Variants in ADCY3 observed in about 807,000 individuals in gnomAD.
The protein encoded by ADCY3 is adenylate cyclase 3, also known as adenylate cyclase type 3.
In ADCY3, 70 loss-of-function variants were observed where a neutral mutation model predicts 119.4. The observed-to-expected ratio is 0.59, with a 90% CI of 0.48 to 0.72. ADCY3 has a LOEUF of 0.72. ADCY3 is among the 30% of genes least tolerant of loss of function. The pLI is 0.00. For synonymous variants in ADCY3, 672 were observed against 621.4 expected (o/e 1.08, Z -1.21); for missense variants, 1,238 against 1,541.6 (o/e 0.80, Z 3.30).
At chr2:24,852,429 G>A (rs1672425461) in intron 3 of ADCY3, among the ~76,000 whole-genome samples, 2 of 152,202 alleles carry the variant, frequency 1.3e-5, no homozygotes, top group South Asian at 4.1e-4. Context: ...GGAGGAGAGT[G>A]CTGCCTCCAT....
intron 18 of ADCY3, 53 bp from the exon 19 acceptor site, chr2:24,822,683 C>A (rs1667956160): frequency 1.3e-6 from 2 of 1,599,640 alleles, no homozygotes; most frequent in Non-Finnish European, 1.7e-6. Flanking sequence ...GAGGAATGAC[C>A]CAACCCAGTG....
intron 3 of ADCY3, among the ~76,000 whole-genome samples, chr2:24,861,751 C>G (rs1673683968): frequency 6.6e-6 from 1 of 152,186 alleles, no homozygotes; most frequent in Non-Finnish European, 1.5e-5. Context: ...GACCTCTGTC[C>G]TGGCTGGAAG....
intron 2 of ADCY3, chr2:24,877,884 G>A (rs1219033815): frequency 2.1e-6 from 1 of 471,066 alleles, no homozygotes; most frequent in Non-Finnish European, 4.4e-6. Flanking sequence ...CCTGGGAGCT[G>A]ACTGCACTGC....
At chr2:24,873,290 T>G (rs563313564) in intron 2 of ADCY3, among the ~76,000 whole-genome samples, 1 of 152,168 alleles carries the variant, frequency 6.6e-6, no homozygotes, top group East Asian at 1.9e-4. Flanking sequence ...ACATGTGTCA[T>G]AGGTTTCTAG....
intron 16 of ADCY3, among the ~76,000 whole-genome samples, chr2:24,824,929 C>A (rs564248534): frequency 2.8e-4 from 43 of 152,232 alleles, no homozygotes; most frequent in African/African-American, 9.1e-4. Context: ...GGAGGAACTC[C>A]CCTTGGAAAG....
rs1000915529 is a variant in ADCY3, at chr2:24,862,355, G to A, written c.825+10215C>T. 2.6e-5 allele frequency among the ~76,000 whole-genome samples: 4 copies of A among 152,146 alleles called. No individual in the cohort carries two copies. The East Asian group carries it at 7.7e-4, about 29-fold the overall frequency. ...AGGTCAGGAGATCGAGACCATCCTG[G>A]CTAACACGGTGAAACCCCGTCTCTA... On this transcript the variant is annotated intron_variant, in intron 3 of 21. Coordinates refer to ENST00000679454, the MANE Select transcript of ADCY3 (RefSeq NM_004036.5).
At chr2:24,907,807 C>A (rs564117917) in intron 2 of ADCY3, among the ~76,000 whole-genome samples, 1 of 151,690 alleles carries the variant, frequency 6.6e-6, no homozygotes, top group South Asian at 2.1e-4. Context: ...CCAGCCTGGC[C>A]AACATGGCGA....
Position 24,834,054 on chromosome 2 carries a change from TAGAG to T in ADCY3, c.1967+427_1967+430del, listed in dbSNP as rs969533905. Among the ~76,000 whole-genome samples the T allele has an allele frequency of 4.6e-5, 7 of 152,352 alleles. No homozygotes were observed. The highest frequency in any genetic ancestry group is 2.1e-4 in the South Asian group (1 of 4,830). ...TGCCCTGGAGGACCTACTGCTGCGTTAGAGAGGGCGTCAGTCTGTGCCCACAGCC... is the reference window on the plus strand; with the variant it reads ...TGCCCTGGAGGACCTACTGCTGCGTTAGGGCGTCAGTCTGTGCCCACAGCC... On this transcript the variant is annotated intron_variant, in intron 11 of 21. Coordinates refer to ENST00000679454, the MANE Select transcript of ADCY3 (RefSeq NM_004036.5). This position sits in a 1 kb window ranked among gnomAD's most constrained non-coding sequence, Gnocchi z 4.2.
At chr2:24,867,618 C>T (rs576126472) in intron 3 of ADCY3, among the ~76,000 whole-genome samples, 3 of 151,974 alleles carry the variant, frequency 2.0e-5, no homozygotes, top group African/African-American at 7.2e-5. Context: ...AGGTATCTTT[C>T]GAAAATGAAA....
At chr2:24,870,407 C>T (rs529548145) in intron 3 of ADCY3, among the ~76,000 whole-genome samples, 2 of 151,814 alleles carry the variant, frequency 1.3e-5, no homozygotes, top group East Asian at 1.9e-4. Flanking sequence ...GGGGCAGCAA[C>T]GAGCCCAAGG....
intron 2 of ADCY3, among the ~76,000 whole-genome samples, chr2:24,912,741 G>A (rs1291818039): frequency 1.3e-5 from 2 of 152,118 alleles, no homozygotes; most frequent in Admixed American, 6.5e-5. Flanking sequence ...TAATAAACAC[G>A]AGGAGTCCAG....
intron 9 of ADCY3, 59 bp downstream of exon 9, chr2:24,836,858 T>C: frequency 6.4e-7 from 1 of 1,551,376 alleles, no homozygotes; most frequent in Non-Finnish European, 8.7e-7. Context: ...ACGTATTGCT[T>C]CCTGGTGCCT....
At position 24,872,925 on chromosome 2, in the gene ADCY3, A is replaced by G. The variant is rs1675210835; in HGVS notation, c.676-206T>C. Among the ~76,000 whole-genome samples the G allele has an allele frequency of 6.6e-6, 1 of 152,178 alleles. No individual in the cohort carries two copies. Among genetic ancestry groups the G allele is most frequent in the Non-Finnish European group, 1.5e-5 (1 of 68,028 alleles). On this transcript the variant is annotated intron_variant, in intron 2 of 21. Transcript: ENST00000679454. The surrounding 1 kb of genome is among the most constrained non-coding windows in gnomAD (Gnocchi z 4.4). ...TGTACCACGGATGGGTGGTCCACCC[A>G]GGGGCATGGCTCAAGGCCTGAAAGG...
chr2:24,886,202 T>C (rs1216275966), intron 2 of ADCY3, among the ~76,000 whole-genome samples: 1 of 152,190 alleles, frequency 6.6e-6, no homozygotes, highest in East Asian at 1.9e-4. Context: ...GCACGCTGTC[T>C]GCTGGGTGAA....
In ADCY3 at chr2:24,857,422, G is replaced by A. The variant is rs539657691; in HGVS notation, c.826-15038C>T. On this transcript the variant is annotated intron_variant, in intron 3 of 21. Transcript: ENST00000679454. ...GCAAGCCACCATCCTCTAGAACAGC[G>A]CTAATAGAACTTCCTGCAATCACAG... is the stretch of plus-strand genomic sequence containing the variant. 5.2e-5 allele frequency among the ~76,000 whole-genome samples: 8 copies of A among 152,390 alleles called. No homozygotes were observed. In the East Asian group the frequency reaches 7.7e-4, roughly 15 times the overall value.
chr2:24,888,357 C>T (rs1677304768), intron 2 of ADCY3, among the ~76,000 whole-genome samples: 1 of 152,252 alleles, frequency 6.6e-6, no homozygotes, highest in African/African-American at 2.4e-5. Flanking sequence ...GCTCCTGTCC[C>T]ATCCCTTTCC....
chr2:24,820,532 G>A lies in ADCY3; in HGVS notation c.3252+192C>T, dbSNP rs1202816765. ...TCTAGAACTTCAGCCCAGATTTTGT[G>A]GATGGGTGGAAGTGTTTCTTCCTGT... is the stretch of plus-strand genomic sequence containing the variant. On this transcript the variant is annotated intron_variant, in intron 21 of 21. Transcript: ENST00000679454. 7.8e-6 allele frequency: 11 copies of A among 1,402,718 alleles called. No homozygotes were observed. The South Asian group carries it at 1.5e-4, about 20-fold the overall frequency. 86.9% of individuals were successfully genotyped at this position (1,402,718 alleles called of 1,614,324 possible).
intron 3 of ADCY3, among the ~76,000 whole-genome samples, chr2:24,850,313 A>G (rs1672144823): frequency 6.6e-6 from 1 of 152,168 alleles, no homozygotes; most frequent in Non-Finnish European, 1.5e-5. Flanking sequence ...ACCTTCTAGA[A>G]AAATGCTCAT....
intron 16 of ADCY3, chr2:24,825,654 G>T: frequency 4.9e-6 from 1 of 202,306 alleles, no homozygotes; most frequent in Non-Finnish European, 9.9e-6. Context: ...AAGTCCATCA[G>T]CTCCCTTCTC....
Sources: allele counts gnomAD v4.1 joint callset (sites outside exome capture counted in the v4.1 genomes callset), GRCh38; gene constraint gnomAD v4.1.1; non-coding constraint Gnocchi (gnomAD v3.1); transcripts MANE v1.5; gene names NCBI Gene and HGNC (gene_info 2026-07-23, HGNC 2026-07-21).